PDE6B: variants seen among roughly 807,000 people sequenced by gnomAD.
PDE6B encodes phosphodiesterase 6B, also known as rod cGMP-specific 3',5'-cyclic phosphodiesterase subunit beta.
A neutral mutation model predicts 109.0 loss-of-function variants in PDE6B; 106 were observed. That is an observed-to-expected ratio of 0.97 (90% CI 0.83 to 1.14). PDE6B has a LOEUF of 1.14. Ranked by LOEUF, PDE6B falls within the 50% of genes most tolerant of loss-of-function variation. The pLI is 0.00. For synonymous variants in PDE6B, 490 were observed against 471.3 expected (o/e 1.04, Z -0.51); for missense variants, 1,193 against 1,155.6 (o/e 1.03, Z -0.47).
At chr4:637,692 C>G (rs962001668) in intron 3 of PDE6B, among the ~76,000 whole-genome samples, 1 of 152,256 alleles carries the variant, frequency 6.6e-6, no homozygotes, top group Non-Finnish European at 1.5e-5. Flanking sequence ...CAGGCCCTCT[C>G]GTCCGGCACA....
intron 2 of PDE6B, among the ~76,000 whole-genome samples, chr4:635,330 TCCACCTCCTTAC>T (rs1734616705): frequency 7.9e-6 from 1 of 127,094 alleles, no homozygotes; most frequent in African/African-American, 3.3e-5. Context: ...GTGCTGTGCG[TCCACCTCCTTAC>T]CTGCCTGCCT....
chr4:657,098 C>G, intron 9 of PDE6B, 75 bp downstream of exon 9: 1 of 1,453,036 alleles, frequency 6.9e-7, no homozygotes, highest in Admixed American at 1.7e-5. Context: ...TGGGGGCCTC[C>G]CCGCCAAGCA....
In PDE6B at chr4:663,416, G is replaced by C. The variant is rs1737362541; in HGVS notation, c.1920+229G>C. Among the ~76,000 whole-genome samples the C allele has an allele frequency of 6.6e-6, 1 of 152,202 alleles. No homozygotes were observed. The highest frequency in any genetic ancestry group is 2.1e-4 in the South Asian group (1 of 4,836). On this transcript the variant is annotated intron_variant, in intron 15 of 21. Coordinates refer to ENST00000496514, the MANE Select transcript of PDE6B (RefSeq NM_000283.4). This position sits in a 1 kb window ranked among gnomAD's most constrained non-coding sequence, Gnocchi z 4.0. ...AGACAACTGGAAAGGGCCCCTCATG[G>C]GGTGGGGTGGAAGCCGAAGGGGAAG... is the stretch of plus-strand genomic sequence containing the variant.
intron 8 of PDE6B, among the ~76,000 whole-genome samples, chr4:656,672 G>A (rs1736298465): frequency 1.3e-5 from 2 of 152,236 alleles, no homozygotes; most frequent in South Asian, 4.1e-4. Flanking sequence ...CTCCTCCGGT[G>A]GGAAAATATC....
In PDE6B at chr4:670,144, C is replaced by T. The variant is rs1275017053; in HGVS notation, c.*37C>T. On this transcript the variant is annotated 3_prime_UTR_variant, in exon 22 of 22. Coordinates refer to ENST00000496514, the MANE Select transcript of PDE6B (RefSeq NM_000283.4). ...ATGGGGACCCTATGGCTCCCTCAATCTTCACCCACTAGGATTTGGGTTCTG... is the reference window on the plus strand; with the variant it reads ...ATGGGGACCCTATGGCTCCCTCAATTTTCACCCACTAGGATTTGGGTTCTG... 3.7e-6 allele frequency: 6 copies of T among 1,611,786 alleles called. No individual in the cohort carries two copies. The highest frequency in any genetic ancestry group is 5.1e-6 in the Non-Finnish European group (6 of 1,178,648).
At chr4:664,700 C>T (rs1737578723) in intron 17 of PDE6B, among the ~76,000 whole-genome samples, 181 bp from the exon 18 acceptor site, 2 of 152,176 alleles carry the variant, frequency 1.3e-5, no homozygotes, top group Non-Finnish European at 2.9e-5. Context: ...CCTGTAATCC[C>T]AGCTACTCGG....
rs370003763 is a variant in PDE6B, at chr4:660,625, C to G, written c.1614+12C>G. ...AGATCCCCCAGGAGGTGGGAGACAC[C>G]GCAGGGCGCATAGTCAGGTCCCTGA... On this transcript the variant is annotated intron_variant, in intron 12 of 21. Coordinates refer to ENST00000496514, the MANE Select transcript of PDE6B (RefSeq NM_000283.4). The G allele has an allele frequency of 6.2e-7, 1 of 1,612,568 alleles. No individual in the cohort carries two copies. Among genetic ancestry groups the G allele is most frequent in the East Asian group, 2.2e-5 (1 of 44,854 alleles).
chr4:637,835 T>C (rs906749400), intron 3 of PDE6B, among the ~76,000 whole-genome samples: 1 of 152,242 alleles, frequency 6.6e-6, no homozygotes, highest in Non-Finnish European at 1.5e-5. Flanking sequence ...CGACACATTC[T>C]GGCTTCTTCC....
intron 21 of PDE6B, among the ~76,000 whole-genome samples, chr4:669,759 C>T (rs528783315): frequency 1.6e-4 from 24 of 150,402 alleles, no homozygotes; most frequent in African/African-American, 4.9e-4. Context: ...TATTCCCCTA[C>T]CCCATGCTAT....
intron 8 of PDE6B, 102 bp downstream of exon 8, chr4:656,394 C>A: frequency 1.2e-6 from 1 of 845,120 alleles, no homozygotes; most frequent in Non-Finnish European, 2.1e-6. Flanking sequence ...TAAAAAACAA[C>A]TTCAGCCAGG....
intron 8 of PDE6B, among the ~76,000 whole-genome samples, chr4:656,582 C>T (rs1317176437): frequency 6.6e-6 from 1 of 152,058 alleles, no homozygotes; most frequent in African/African-American, 2.4e-5. Context: ...ACCGCGGCCC[C>T]CACACACCCC....
At chr4:669,847 G>GTGT (rs1738307336) in intron 21 of PDE6B, among the ~76,000 whole-genome samples, 199 bp from the exon 22 acceptor site, 1 of 152,096 alleles carries the variant, frequency 6.6e-6, no homozygotes, top group Non-Finnish European at 1.5e-5. Context: ...GCCAGGATGA[G>GTGT]CATAATCAGG....
At chr4:627,368 A>T (rs1734163949) in intron 1 of PDE6B, among the ~76,000 whole-genome samples, 1 of 151,530 alleles carries the variant, frequency 6.6e-6, no homozygotes, top group Non-Finnish European at 1.5e-5. Context: ...CTGTTCTCGA[A>T]CTCCTGACCT....
chr4:669,267 A>C (rs879138990), intron 21 of PDE6B, among the ~76,000 whole-genome samples: 4 of 111,618 alleles, frequency 3.6e-5, no homozygotes, highest in Admixed American at 9.6e-5. Flanking sequence ...TGCTATTCCC[A>C]CTACTCCATG....
Position 625,623 on chromosome 4 carries a change from C to A in PDE6B, c.-4C>A, listed in dbSNP as rs768362910. ...AGCAGCGTCTCCAGGGACAGGCAGC[C>A]ACCATGAGCCTCAGTGAGGAGCAGG... On this transcript the variant is annotated 5_prime_UTR_variant, in exon 1 of 22. Transcript: ENST00000496514. This position sits in a 1 kb window ranked among gnomAD's most constrained non-coding sequence, Gnocchi z 5.0. The A allele has an allele frequency of 1.9e-6, 3 of 1,603,670 alleles. No individual in the cohort carries two copies. In the South Asian group the frequency reaches 3.3e-5, roughly 18 times the overall value.
intron 3 of PDE6B, among the ~76,000 whole-genome samples, chr4:644,548 G>A (rs1267488496): frequency 6.6e-6 from 1 of 151,162 alleles, no homozygotes; most frequent in Non-Finnish European, 1.5e-5. Context: ...TTATTTTTTT[G>A]AGACAGATTC....
Position 670,284 on chromosome 4 carries a change from C to T in PDE6B, c.*177C>T. ...TTGAGATGGAGTCTTGCTCTGTCAC[C>T]CAGGCTGGAGTGCCGTGGCACGATC... On this transcript the variant is annotated 3_prime_UTR_variant, in exon 22 of 22. Transcript: ENST00000496514. The T allele has an allele frequency of 1.1e-6, 1 of 919,902 alleles. No individual in the cohort carries two copies. The highest frequency in any genetic ancestry group is 1.5e-6 in the Non-Finnish European group (1 of 648,842). The allele number at this position is 919,902 out of a possible 1,614,324, so 57.0% of individuals were successfully genotyped here.
intron 12 of PDE6B, chr4:661,202 GAATGGATAGATT>G (rs1291387396): frequency 6.5e-6 from 1 of 153,042 alleles, no homozygotes; most frequent in Non-Finnish European, 1.5e-5. Flanking sequence ...GATGGATGGT[GAATGGATAGATT>G]TAAAGTTTTA....
Position 659,037 on chromosome 4 carries a change from C to T in PDE6B, c.1467+20C>T, listed in dbSNP as rs74464382. On this transcript the variant is annotated intron_variant, in intron 11 of 21. Coordinates refer to ENST00000496514, the MANE Select transcript of PDE6B (RefSeq NM_000283.4). ...ATCCTGGTAAGAACCTTGCTCCCGT[C>T]CCTCCCATGGAGGCCGGCCACGTGT... is the stretch of plus-strand genomic sequence containing the variant. 0.049 allele frequency: 78,833 copies of T among 1,599,272 alleles called. 2,123 individuals are homozygous for T. Among genetic ancestry groups the T allele is most frequent in the Non-Finnish European group, 0.054 (62,572 of 1,167,056 alleles).
Sources: allele counts gnomAD v4.1 joint callset (sites outside exome capture counted in the v4.1 genomes callset), GRCh38; gene constraint gnomAD v4.1.1; non-coding constraint Gnocchi (gnomAD v3.1); transcripts MANE v1.5; gene names NCBI Gene and HGNC (gene_info 2026-07-23, HGNC 2026-07-21).